TRHDE: variants seen among roughly 807,000 people sequenced by gnomAD.
TRHDE encodes thyrotropin-releasing hormone-degrading ectoenzyme.
TRHDE carries 72 observed loss-of-function variants against 125.7 expected under a neutral mutation model. The observed-to-expected ratio is 0.57, with a 90% CI of 0.47 to 0.70. TRHDE has a LOEUF of 0.70. Ranked by LOEUF, TRHDE falls within the 30% of genes least tolerant of loss-of-function variation. The pLI is 0.00. For synonymous variants in TRHDE, 509 were observed against 509.1 expected (o/e 1.00, Z 0.00); for missense variants, 1,110 against 1,327.1 (o/e 0.84, Z 2.54).
chr12:72,148,602 C>T (rs1876282375), intron 2 of TRHDE, among the ~76,000 whole-genome samples: 1 of 152,202 alleles, frequency 6.6e-6, no homozygotes, highest in Non-Finnish European at 1.5e-5. Context: ...CACGCATATT[C>T]ATAGCCTCTG....
intron 1 of TRHDE, among the ~76,000 whole-genome samples, chr12:72,091,428 T>C (rs1874788442): frequency 1.3e-5 from 2 of 152,200 alleles, no homozygotes; most frequent in African/African-American, 4.8e-5. Context: ...TAAAATCTGA[T>C]AAATTCTGAA....
intron 6 of TRHDE, among the ~76,000 whole-genome samples, chr12:72,530,640 A>C (rs1226856727): frequency 1.3e-5 from 2 of 149,960 alleles, no homozygotes; most frequent in Non-Finnish European, 3.0e-5. Flanking sequence ...CTAGATTTCA[A>C]AATCCGGTTA....
intron 12 of TRHDE, among the ~76,000 whole-genome samples, chr12:72,590,107 C>T (rs1871609702): frequency 1.3e-5 from 2 of 151,766 alleles, no homozygotes; most frequent in African/African-American, 4.8e-5. Context: ...TTTCTAATTT[C>T]CTATGTGATT....
intron 3 of TRHDE, among the ~76,000 whole-genome samples, chr12:72,406,472 G>C (rs116534384): frequency 6.6e-6 from 1 of 152,128 alleles, no homozygotes; most frequent in Non-Finnish European, 1.5e-5. Context: ...GGTTTATATT[G>C]TTAGGTGCTG....
At chr12:72,149,875 A>G (rs1419301655) in intron 2 of TRHDE, among the ~76,000 whole-genome samples, 1 of 152,168 alleles carries the variant, frequency 6.6e-6, no homozygotes, top group Non-Finnish European at 1.5e-5. Context: ...ATAATTATTC[A>G]TGGTTGCAAA....
At chr12:72,555,829 A>T (rs1369973070) in intron 7 of TRHDE, among the ~76,000 whole-genome samples, 1 of 152,126 alleles carries the variant, frequency 6.6e-6, no homozygotes, top group Non-Finnish European at 1.5e-5. Context: ...GTTGTTGTTT[A>T]TGGATCCCTT....
intron 3 of TRHDE, among the ~76,000 whole-genome samples, chr12:72,402,051 C>T (rs1052961818): frequency 6.6e-6 from 1 of 152,050 alleles, no homozygotes; most frequent in Non-Finnish European, 1.5e-5. Flanking sequence ...AAAAGTACCA[C>T]AAACTGGCTG....
intron 12 of TRHDE, among the ~76,000 whole-genome samples, chr12:72,593,826 C>G (rs1029735642): frequency 3.3e-5 from 5 of 152,158 alleles, no homozygotes; most frequent in Non-Finnish European, 5.9e-5. Flanking sequence ...TTATCTATGT[C>G]CCTGCAAAGG....
At chr12:72,122,250 G>T (rs1438516626) in intron 2 of TRHDE, among the ~76,000 whole-genome samples, 1 of 152,114 alleles carries the variant, frequency 6.6e-6, no homozygotes, top group Non-Finnish European at 1.5e-5. Flanking sequence ...AATTGCAAAG[G>T]ATTTAATCTT....
intron 6 of TRHDE, among the ~76,000 whole-genome samples, chr12:72,522,850 A>C (rs1177110820): frequency 6.6e-6 from 1 of 152,124 alleles, no homozygotes; most frequent in African/African-American, 2.4e-5. Flanking sequence ...GATCATGGAG[A>C]GTAATGAACA....
chr12:72,330,432 G>T (rs960195528), intron 2 of TRHDE, among the ~76,000 whole-genome samples: 23 of 152,176 alleles, frequency 1.5e-4, no homozygotes, highest in East Asian at 1.9e-4. Flanking sequence ...GTGAGGGAGC[G>T]GAAGTGTCAG....
chr12:72,171,937 G>A (rs1046477850), intron 2 of TRHDE, among the ~76,000 whole-genome samples: 1 of 152,140 alleles, frequency 6.6e-6, no homozygotes, highest in Non-Finnish European at 1.5e-5. Flanking sequence ...TATACTACAT[G>A]AGCCTTCAGT....
chr12:72,272,198 C>G (rs777069043), upstream of TRHDE: 47 of 441,054 alleles, frequency 1.1e-4, 1 homozygote, highest in South Asian at 7.6e-4. This position sits in a 1 kb window ranked among gnomAD's most constrained non-coding sequence, Gnocchi z 6.7. Context: ...CCCTAACTTC[C>G]CTCTCTACAC....
chr12:72,242,718 AT>A (rs1248861874), intron 2 of TRHDE, among the ~76,000 whole-genome samples: 1 of 152,150 alleles, frequency 6.6e-6, no homozygotes, highest in East Asian at 1.9e-4. Flanking sequence ...GTCAGAGGTG[AT>A]TTGAATCCCA....
chr12:72,342,042 TAA>T (rs199606676), intron 2 of TRHDE, among the ~76,000 whole-genome samples: 1 of 149,980 alleles, frequency 6.7e-6, no homozygotes, highest in Non-Finnish European at 1.5e-5. Flanking sequence ...CAAATATGAG[TAA>T]AAAAAAAAGA....
At chr12:72,662,253 C>A (rs1170519898) in intron 18 of TRHDE, among the ~76,000 whole-genome samples, 1 of 151,902 alleles carries the variant, frequency 6.6e-6, no homozygotes, top group African/African-American at 2.4e-5. Flanking sequence ...ATTGTTAGTT[C>A]ATTGCCAGCT....
intron 2 of TRHDE, among the ~76,000 whole-genome samples, chr12:72,327,642 T>A (rs985849574): frequency 6.6e-6 from 1 of 152,192 alleles, no homozygotes; most frequent in African/African-American, 2.4e-5. Flanking sequence ...TTAGGAGATT[T>A]TTTTAGGAAA....
intron 5 of TRHDE, among the ~76,000 whole-genome samples, chr12:72,481,666 G>T (rs759419083): frequency 6.8e-6 from 1 of 146,472 alleles, no homozygotes; most frequent in Non-Finnish European, 1.5e-5. Context: ...AGATATTTTT[G>T]CTAGAACATG....
chr12:72,168,135 A>G (rs952930359), intron 2 of TRHDE, among the ~76,000 whole-genome samples: 8 of 152,116 alleles, frequency 5.3e-5, no homozygotes, highest in Admixed American at 1.3e-4. Context: ...CATATTTTGG[A>G]GATTGTTTTG....
Sources: gnomAD v4.1 joint callset for allele counts (sites outside exome capture counted in the v4.1 genomes callset) on GRCh38, gnomAD v4.1.1 for gene constraint, Gnocchi (gnomAD v3.1) non-coding constraint, MANE v1.5 for transcripts, NCBI Gene and HGNC (gene_info 2026-07-23, HGNC 2026-07-21) for gene names.